Variants in ABLIM1 observed in about 807,000 individuals in gnomAD.
ABLIM1 encodes actin binding LIM protein 1, also known as actin-binding LIM protein 1.
In ABLIM1, 40 loss-of-function variants were observed where a neutral mutation model predicts 107.0. That is an observed-to-expected ratio of 0.37 (90% CI 0.29 to 0.49). The LOEUF is 0.49. ABLIM1 is among the 20% of genes least tolerant of loss of function. The pLI is 0.97. For synonymous variants in ABLIM1, 357 were observed against 357.3 expected, an observed-to-expected ratio of 1.00 and a Z score of 0.01; for missense variants, 857 against 1,008.5, an observed-to-expected ratio of 0.85 and a Z score of 2.04.
At chr10:114,736,429 A>C (rs954603044) in intron 1 of ABLIM1, among the ~76,000 whole-genome samples, 1 of 152,236 alleles carries the variant, frequency 6.6e-6, no homozygotes, top group African/African-American at 2.4e-5. Context: ...AAAAACAACA[A>C]CGCTAAGCTA....
intron 2 of ABLIM1, among the ~76,000 whole-genome samples, chr10:114,589,008 T>C (rs549380513): frequency 3.3e-5 from 5 of 152,098 alleles, no homozygotes; most frequent in Non-Finnish European, 5.9e-5. Context: ...CATAAGATCA[T>C]AATGGAGCTG....
At chr10:114,442,726 C>T (rs1473745416) in intron 17 of ABLIM1, among the ~76,000 whole-genome samples, 1 of 152,186 alleles carries the variant, frequency 6.6e-6, no homozygotes, top group African/African-American at 2.4e-5. Flanking sequence ...CTCCTGATTT[C>T]TAAAATAGAG....
the ABLIM1 span, among the ~76,000 whole-genome samples, chr10:114,787,432 C>T: frequency 9.9e-5 from 15 of 151,144 alleles, no homozygotes; most frequent in African/African-American, 3.6e-4. Flanking sequence ...CCCGGCCAGC[C>T]GCCCCATCCG....
intron 1 of ABLIM1, among the ~76,000 whole-genome samples, chr10:114,718,593 T>C (rs1045137167): frequency 2.0e-5 from 3 of 152,202 alleles, no homozygotes; most frequent in Non-Finnish European, 2.9e-5. Context: ...CTGGGACCCA[T>C]AATTAACCCA....
intron 12 of ABLIM1, among the ~76,000 whole-genome samples, chr10:114,453,854 G>C (rs373145990): frequency 6.6e-6 from 1 of 152,236 alleles, no homozygotes; most frequent in East Asian, 1.9e-4. Flanking sequence ...AATCCCAAGC[G>C]TGTAAAGGAG....
At chr10:114,509,941 C>T (rs187076746) in intron 6 of ABLIM1, among the ~76,000 whole-genome samples, 58 of 152,316 alleles carry the variant, frequency 3.8e-4, no homozygotes, top group Middle Eastern at 3.4e-3. Context: ...TCTTACATGG[C>T]GGCCAGCAAG....
intron 1 of ABLIM1, among the ~76,000 whole-genome samples, chr10:114,699,248 G>A (rs1337605357): frequency 1.3e-5 from 2 of 152,012 alleles, no homozygotes; most frequent in Admixed American, 6.5e-5. Flanking sequence ...AGGGCCCTTG[G>A]ATGATGCTTT....
chr10:114,540,944 G>C (rs2066578924), intron 6 of ABLIM1, among the ~76,000 whole-genome samples: 1 of 152,210 alleles, frequency 6.6e-6, no homozygotes, highest in Admixed American at 6.5e-5. Context: ...AGTCTTTGCA[G>C]ATGTAATTAA....
chr10:114,617,295 C>A (rs940454587), intron 1 of ABLIM1, among the ~76,000 whole-genome samples: 1 of 116,538 alleles, frequency 8.6e-6, no homozygotes, highest in Non-Finnish European at 1.7e-5. Flanking sequence ...GAGTTTTGCT[C>A]TTGTTGCCCA....
chr10:114,581,197 A>G (rs1018221508), intron 2 of ABLIM1, among the ~76,000 whole-genome samples: 2 of 152,224 alleles, frequency 1.3e-5, no homozygotes, highest in Admixed American at 6.5e-5. Flanking sequence ...AAATCTTTTA[A>G]AAAAAGTAAC....
chr10:114,598,305 C>T (rs1486261001), intron 2 of ABLIM1, among the ~76,000 whole-genome samples: 3 of 136,790 alleles, frequency 2.2e-5, no homozygotes, highest in Non-Finnish European at 1.5e-5. Flanking sequence ...AGGAAATGTG[C>T]GGCCGGGTGC....
chr10:114,768,000 C>A (rs183241458), intron 1 of ABLIM1: 7,091 of 418,794 alleles, frequency 0.017, 442 homozygotes, highest in Admixed American at 0.13. Flanking sequence ...GCCCCCCCGC[C>A]CTCCCGCACC....
intron 8 of ABLIM1, among the ~76,000 whole-genome samples, chr10:114,482,511 T>C (rs1050260714): frequency 2.0e-5 from 3 of 152,140 alleles, no homozygotes; most frequent in South Asian, 2.1e-4. Context: ...AAAGATAACA[T>C]ATCTGTGACT....
At chr10:114,606,619 C>T (rs915653811) in intron 1 of ABLIM1, among the ~76,000 whole-genome samples, 1 of 152,166 alleles carries the variant, frequency 6.6e-6, no homozygotes, top group Admixed American at 6.6e-5. Flanking sequence ...CCTCTCAAGC[C>T]CCCTTCCTTC....
At chr10:114,788,505 A>G in the ABLIM1 span, among the ~76,000 whole-genome samples, 1 of 151,630 alleles carries the variant, frequency 6.6e-6, no homozygotes, top group African/African-American at 2.4e-5. Context: ...AGGGGGACGG[A>G]TCACCTGAGG....
At chr10:114,764,259 T>C (rs1183954137) in intron 1 of ABLIM1, among the ~76,000 whole-genome samples, 1 of 152,372 alleles carries the variant, frequency 6.6e-6, no homozygotes, top group East Asian at 1.9e-4. Flanking sequence ...TGCTCTATCA[T>C]AAAATTAAAG....
chr10:114,466,791 C>T (rs560849189), intron 11 of ABLIM1, among the ~76,000 whole-genome samples: 6 of 152,144 alleles, frequency 3.9e-5, no homozygotes, highest in Non-Finnish European at 7.3e-5. Context: ...TATTCAAATA[C>T]TTTCATAGTA....
intron 6 of ABLIM1, among the ~76,000 whole-genome samples, chr10:114,523,255 CT>C (rs2064049410): frequency 6.6e-6 from 1 of 152,184 alleles, no homozygotes; most frequent in Admixed American, 6.5e-5. Context: ...ACTACGGCAT[CT>C]TTACATTCTG....
At chr10:114,801,108 A>G in the ABLIM1 span, among the ~76,000 whole-genome samples, 2 of 152,108 alleles carry the variant, frequency 1.3e-5, no homozygotes, top group African/African-American at 2.4e-5. Flanking sequence ...AGCCAGAGAA[A>G]AGGAAATATC....
Sources: allele counts gnomAD v4.1 joint callset (sites outside exome capture counted in the v4.1 genomes callset), GRCh38; gene constraint gnomAD v4.1.1; transcripts MANE v1.5; gene names NCBI Gene and HGNC (gene_info 2026-07-23, HGNC 2026-07-21).